Variants in GPR26 observed in about 807,000 individuals in gnomAD.
GPR26 encodes the protein G protein-coupled receptor 26.
In GPR26, 15 loss-of-function variants were observed where a neutral mutation model predicts 23.1. The ratio of observed to expected loss-of-function variants is 0.65; its 90% confidence interval spans 0.43 to 1.00. The LOEUF (loss-of-function observed/expected upper bound fraction) is 1.00. Among genes scored for constraint, GPR26 ranks in the 50% least tolerant of loss-of-function variants. GPR26 has a pLI of 0.00. For missense variants in GPR26, 359 were observed against 470.5 expected, an observed-to-expected ratio of 0.76 and a Z score of 2.19; for synonymous variants, 228 against 222.1, an observed-to-expected ratio of 1.03 and a Z score of -0.24.
intron 2 of GPR26, among the ~76,000 whole-genome samples, chr10:123,682,651 C>G (rs2133929329): frequency 6.6e-6 from 1 of 152,360 alleles, no homozygotes; most frequent in African/African-American, 2.4e-5. Context: ...GCGATCTACG[C>G]TTACAAATAA....
chr10:123,687,858 G>A (rs1170686781), intron 2 of GPR26, 71 bp from the exon 3 acceptor site: 90 of 1,044,208 alleles, frequency 8.6e-5, no homozygotes, highest in Admixed American at 2.6e-4. Context: ...GCACAGACAG[G>A]CCCTGGCCCA....
At chr10:123,681,048 A>G (rs1845369582) in intron 2 of GPR26, among the ~76,000 whole-genome samples, 1 of 152,126 alleles carries the variant, frequency 6.6e-6, no homozygotes, top group South Asian at 2.1e-4. Flanking sequence ...CATGTTGGCC[A>G]GGCTGGTCTT....
At position 123,666,803 on chromosome 10, in the gene GPR26, G is replaced by A; in HGVS notation, c.396G>A (p.Leu132=). The A allele has an allele frequency of 6.2e-7, 1 of 1,607,420 alleles. No homozygotes were observed. The highest frequency in any genetic ancestry group is 1.1e-5 in the South Asian group (1 of 90,430). The change falls in exon 1 of 3, where the codon CTG becomes CTA. Residue 132 remains leucine (L), a synonymous_variant. Coordinates refer to ENST00000284674, the MANE Select transcript of GPR26 (RefSeq NM_153442.4). Reference sequence around the variant, plus strand: ...CGCTCATGGTGGCCTACACGTGGCTGCACGCGCTCACCTTCCCAGCCGCCG... The same window carrying A: ...CGCTCATGGTGGCCTACACGTGGCTACACGCGCTCACCTTCCCAGCCGCCG... ...DAALMVAYTW[L]HALTFPAAAL...
At chr10:123,668,368 A>G (rs1845211843) in intron 1 of GPR26, among the ~76,000 whole-genome samples, 2 of 152,178 alleles carry the variant, frequency 1.3e-5, no homozygotes, top group African/African-American at 4.8e-5. Flanking sequence ...CACTGGACCA[A>G]TCTTCCAGCC....
chr10:123,685,404 C>G (rs1845421226), intron 2 of GPR26, among the ~76,000 whole-genome samples: 1 of 152,226 alleles, frequency 6.6e-6, no homozygotes, highest in African/African-American at 2.4e-5. Flanking sequence ...TGGAGCATAG[C>G]CAGCAGCCAG....
intron 1 of GPR26, among the ~76,000 whole-genome samples, chr10:123,671,345 T>A (rs1294314478): frequency 6.6e-6 from 1 of 152,162 alleles, no homozygotes; most frequent in Non-Finnish European, 1.5e-5. Context: ...GGAGGGCCTG[T>A]CTCCTTTTGT....
chr10:123,694,782 A>G lies in GPR26; in HGVS notation c.*6622A>G, dbSNP rs966307708. Reference sequence around the variant, plus strand: ...TTGAACGAAGAAGGAAGGAAGGAAGAAAGGAGAGAAAGGAGGAAGGAAAAT... The same window carrying G: ...TTGAACGAAGAAGGAAGGAAGGAAGGAAGGAGAGAAAGGAGGAAGGAAAAT... On this transcript the variant is annotated 3_prime_UTR_variant, in exon 3 of 3. Coordinates refer to ENST00000284674, the MANE Select transcript of GPR26 (RefSeq NM_153442.4). Among the ~76,000 whole-genome samples, 4 of 151,780 alleles carry G rather than the reference A, an allele frequency of 2.6e-5. No homozygotes were observed. Among genetic ancestry groups the G allele is most frequent in the African/African-American group, 9.7e-5 (4 of 41,230 alleles).
chr10:123,693,175 CT>C lies in GPR26; in HGVS notation c.*5018del, dbSNP rs1321069453. 1.3e-5 allele frequency: 2 copies of C among 152,262 alleles called. No individual in the cohort carries two copies. The highest frequency in any genetic ancestry group is 2.9e-5 in the Non-Finnish European group (2 of 68,068). The allele number at this position is 152,262 out of a possible 1,614,324, so 9.4% of individuals were successfully genotyped here. On this transcript the variant is annotated 3_prime_UTR_variant, in exon 3 of 3. Coordinates refer to ENST00000284674, the MANE Select transcript of GPR26 (RefSeq NM_153442.4). ...GAAGGAATTCTCCAGACTCCTTTTA[CT>C]TTGTATGTGTTTCTAGGGGAATTCT...
intron 2 of GPR26, among the ~76,000 whole-genome samples, chr10:123,680,741 T>C (rs1405732748): frequency 6.6e-6 from 1 of 150,904 alleles, no homozygotes; most frequent in Non-Finnish European, 1.5e-5. Context: ...CCTCACTCTG[T>C]ACCTGAAGCT....
chr10:123,671,289 T>G (rs1310597736), intron 1 of GPR26, among the ~76,000 whole-genome samples: 1 of 152,222 alleles, frequency 6.6e-6, no homozygotes, highest in African/African-American at 2.4e-5. Context: ...GCCCTATGAC[T>G]GGAGCCGCTG....
chr10:123,670,423 G>A (rs1428121085), intron 1 of GPR26, among the ~76,000 whole-genome samples: 4 of 152,232 alleles, frequency 2.6e-5, no homozygotes, highest in Non-Finnish European at 5.9e-5. Context: ...GGAGCAAATA[G>A]TGCAAATGGA....
At position 123,674,688 on chromosome 10, in the gene GPR26, A is replaced by C; in HGVS notation, c.669-130A>C. On this transcript the variant is annotated intron_variant, in intron 1 of 2. Transcript: ENST00000284674. This position sits in a 1 kb window ranked among gnomAD's most constrained non-coding sequence, Gnocchi z 4.1. ...GGTCAATAGCTACAGCCAAGAGTTG[A>C]CGCTGGGTCTTTCCGACTCCATAGT... 1.6e-6 allele frequency: 1 copy of C among 611,486 alleles called. No individual in the cohort carries two copies. The highest frequency in any genetic ancestry group is 2.9e-6 in the Non-Finnish European group (1 of 340,106). The allele number at this position is 611,486 out of a possible 1,614,324, so 37.9% of individuals were successfully genotyped here. A position where few individuals can be genotyped will look rare whatever the true frequency, so the allele number is the denominator to read the frequency against.
chr10:123,680,805 TTTTTGTTTTGTTTTG>T (rs1321298590), intron 2 of GPR26, among the ~76,000 whole-genome samples: 1 of 80,434 alleles, frequency 1.2e-5, no homozygotes, highest in Non-Finnish European at 2.4e-5. Flanking sequence ...TCTTGGGTTT[TTTTTGTTTTGTTTTG>T]TTTTTTTGGG....
chr10:123,682,540 C>T (rs1280323796), intron 2 of GPR26, among the ~76,000 whole-genome samples: 2 of 152,222 alleles, frequency 1.3e-5, no homozygotes, highest in African/African-American at 2.4e-5. Context: ...GCAGCAGGGC[C>T]TGCACATCCA....
At chr10:123,684,383 C>A (rs1845409379) in intron 2 of GPR26, among the ~76,000 whole-genome samples, 1 of 152,046 alleles carries the variant, frequency 6.6e-6, no homozygotes, top group Non-Finnish European at 1.5e-5. Context: ...GGCCAGGGGT[C>A]CCCAGAACAA....
At chr10:123,684,743 G>A (rs1018009363) in intron 2 of GPR26, among the ~76,000 whole-genome samples, 8 of 152,154 alleles carry the variant, frequency 5.3e-5, no homozygotes, top group African/African-American at 9.7e-5. Context: ...CCAATAGTAC[G>A]GAATTAGGGG....
intron 1 of GPR26, among the ~76,000 whole-genome samples, chr10:123,670,803 C>T (rs1334111723): frequency 6.6e-6 from 1 of 152,218 alleles, no homozygotes; most frequent in African/African-American, 2.4e-5. Context: ...GAGATGCCCA[C>T]ACATGTCTTG....
rs1431308697 is a variant in GPR26, at chr10:123,696,226, T to G, written c.*8066T>G. ...CGTCCTTCTTCATGGAACACACTCATTTCGCCACACGGAGGCTTTACTCTG... is the reference window on the plus strand; with the variant it reads ...CGTCCTTCTTCATGGAACACACTCAGTTCGCCACACGGAGGCTTTACTCTG... On this transcript the variant is annotated 3_prime_UTR_variant, in exon 3 of 3. Coordinates refer to ENST00000284674, the MANE Select transcript of GPR26 (RefSeq NM_153442.4). Among the ~76,000 whole-genome samples the G allele has an allele frequency of 1.3e-5, 2 of 152,158 alleles. No homozygotes were observed. The highest frequency in any genetic ancestry group is 2.9e-5 in the Non-Finnish European group (2 of 68,024).
In GPR26 at chr10:123,691,491, T is replaced by C. The variant is rs898270724; in HGVS notation, c.*3331T>C. 6.6e-5 allele frequency: 10 copies of C among 152,174 alleles called. No individual in the cohort carries two copies. Among genetic ancestry groups the C allele is most frequent in the African/African-American group, 2.4e-4 (10 of 41,444 alleles). 9.4% of individuals were successfully genotyped at this position (152,174 alleles called of 1,614,324 possible). On this transcript the variant is annotated 3_prime_UTR_variant, in exon 3 of 3. Coordinates refer to ENST00000284674, the MANE Select transcript of GPR26 (RefSeq NM_153442.4). The stretch of plus-strand genomic sequence containing the variant: ...TCCCAGTTGTCACCCTTTTACATGC[T>C]TGGGTGCAGGTAGATGAGGCCTTCC...
Sources: gnomAD v4.1 joint callset for allele counts (sites outside exome capture counted in the v4.1 genomes callset) on GRCh38, gnomAD v4.1.1 for gene constraint, Gnocchi (gnomAD v3.1) non-coding constraint, MANE v1.5 for transcripts, NCBI Gene and HGNC (gene_info 2026-07-23, HGNC 2026-07-21) for gene names.